NPR3: variants seen among roughly 807,000 people sequenced by gnomAD.
NPR3 encodes the protein natriuretic peptide receptor 3.
In NPR3, 34 loss-of-function variants were observed where a neutral mutation model predicts 54.5. The ratio of observed to expected loss-of-function variants is 0.62; its 90% confidence interval spans 0.47 to 0.83. NPR3 has a LOEUF of 0.83. NPR3 is among the 40% of genes least tolerant of loss of function. NPR3 has a pLI of 0.00. For synonymous variants in NPR3, 289 were observed against 297.1 expected (o/e 0.97, Z 0.28); for missense variants, 674 against 720.8 (o/e 0.94, Z 0.74).
chr5:32,745,527 A>G (rs113892311), intron 3 of NPR3, among the ~76,000 whole-genome samples: 1,901 of 151,942 alleles, frequency 0.013, 41 homozygotes, highest in African/African-American at 0.044. Context: ...GCATCCCCTG[A>G]CTCCTGCCTG....
chr5:32,774,665 T>C (rs775213587), intron 3 of NPR3, 43 bp from the exon 4 acceptor site: 2 of 1,527,394 alleles, frequency 1.3e-6, no homozygotes, highest in Non-Finnish European at 1.8e-6. Flanking sequence ...CTGGCATGAG[T>C]CACTTGGTGT....
At chr5:32,763,816 A>G (rs1741301398) in intron 3 of NPR3, among the ~76,000 whole-genome samples, 1 of 152,172 alleles carries the variant, frequency 6.6e-6, no homozygotes, top group Non-Finnish European at 1.5e-5. Flanking sequence ...TATGTTATAA[A>G]GATTGTATTC....
At position 32,712,546 on chromosome 5, in the gene NPR3, G is replaced by A; in HGVS notation, c.769+1G>A. ...CGCAATATCCAGGCCAGTGAGAGAG[G>A]TGAGCAGGGGCGCGTCCCGGGCCCC... On this transcript the variant is annotated splice_donor_variant, in intron 1 of 7. Transcript: ENST00000265074. LOFTEE classifies it high-confidence loss of function. 6.6e-7 allele frequency: 1 copy of A among 1,507,394 alleles called. No individual in the cohort carries two copies. Among genetic ancestry groups the A allele is most frequent in the Non-Finnish European group, 8.8e-7 (1 of 1,133,320 alleles). The allele number at this position is 1,507,394 out of a possible 1,614,324, so 93.4% of individuals were successfully genotyped here.
chr5:32,707,823 C>A (rs1738035795), upstream of NPR3, among the ~76,000 whole-genome samples: 1 of 152,096 alleles, frequency 6.6e-6, no homozygotes, highest in Non-Finnish European at 1.5e-5. Flanking sequence ...ATTTCTAATA[C>A]ACTTCAAAGA....
upstream of NPR3, among the ~76,000 whole-genome samples, chr5:32,708,936 C>T (rs1738072966): frequency 6.7e-6 from 1 of 150,040 alleles, no homozygotes; most frequent in Non-Finnish European, 1.5e-5. Flanking sequence ...TAATTCGTTC[C>T]GCTGCTTGGT....
At chr5:32,739,126 A>G (rs1435233442) in intron 3 of NPR3, 96 bp downstream of exon 3, 2 of 1,273,942 alleles carry the variant, frequency 1.6e-6, no homozygotes, top group African/African-American at 3.0e-5. Context: ...GAGCCATTCA[A>G]AAATTCCTAG....
Position 32,786,566 on chromosome 5 carries a change from G to T in NPR3, c.*221G>T, listed in dbSNP as rs1223827987. The T allele has an allele frequency of 1.9e-6, 1 of 516,190 alleles. No homozygotes were observed. The highest frequency in any genetic ancestry group is 2.0e-5 in the African/African-American group (1 of 49,976). 32.0% of individuals were successfully genotyped at this position (516,190 alleles called of 1,614,324 possible). A position where few individuals can be genotyped will look rare whatever the true frequency, so the allele number is the denominator to read the frequency against. The stretch of plus-strand genomic sequence containing the variant: ...GACAAACAAATATAATAATGATATC[G>T]TGTCACTCTGTTAAATGTTCATACT... On this transcript the variant is annotated 3_prime_UTR_variant, in exon 8 of 8. Coordinates refer to ENST00000265074, the MANE Select transcript of NPR3 (RefSeq NM_001204375.2).
intron 1 of NPR3, chr5:32,713,013 A>T: frequency 3.9e-6 from 1 of 255,542 alleles, no homozygotes; most frequent in Non-Finnish European, 6.1e-6. Flanking sequence ...AGGCGTCGCC[A>T]CTTAGCTCGC....
intron 6 of NPR3, chr5:32,783,295 T>C (rs1339128315): frequency 6.2e-6 from 2 of 323,862 alleles, no homozygotes; most frequent in Non-Finnish European, 1.1e-5. Flanking sequence ...GTTTCCACTT[T>C]TAGAGAAAAT....
intron 2 of NPR3, among the ~76,000 whole-genome samples, chr5:32,731,012 T>C (rs183672049): frequency 6.6e-6 from 1 of 152,332 alleles, no homozygotes; most frequent in Non-Finnish European, 1.5e-5. Context: ...CAGAATGTCT[T>C]TCAATTTGGA....
intron 3 of NPR3, among the ~76,000 whole-genome samples, chr5:32,750,099 T>C (rs1740498490): frequency 6.6e-6 from 1 of 152,138 alleles, no homozygotes; most frequent in African/African-American, 2.4e-5. Context: ...TGGTTGTAGT[T>C]TTTCAGTTCT....
At chr5:32,702,752 T>C (rs1414663865) in intron 1 of NPR3, among the ~76,000 whole-genome samples, 1 of 152,118 alleles carries the variant, frequency 6.6e-6, no homozygotes, top group African/African-American at 2.4e-5. Flanking sequence ...AGCAGCATGA[T>C]TTGTAGTCTT....
upstream of NPR3, among the ~76,000 whole-genome samples, chr5:32,708,455 A>AT (rs1379481185): frequency 1.3e-5 from 2 of 152,240 alleles, no homozygotes; most frequent in Admixed American, 6.5e-5. Context: ...ATATATATAT[A>AT]AAAATTTGAT....
At chr5:32,780,134 A>T (rs930764180) in intron 4 of NPR3, among the ~76,000 whole-genome samples, 2 of 152,246 alleles carry the variant, frequency 1.3e-5, no homozygotes, top group Admixed American at 1.3e-4. Context: ...CTAATTCAGT[A>T]CTAAGCGTCC....
chr5:32,768,614 G>C lies in NPR3; in HGVS notation c.1060-6094G>C, dbSNP rs145386525. Among the ~76,000 whole-genome samples the C allele has an allele frequency of 1.8e-4, 28 of 152,254 alleles. No homozygotes were observed. In the East Asian group the frequency reaches 5.2e-3, roughly 28 times the overall value. On this transcript the variant is annotated intron_variant, in intron 3 of 7. Transcript: ENST00000265074. ...CCCTCTGTTGTCCCTGTCATTACAG[G>C]AGGTGAATGAGGGCCCTAACTCTAC...
intron 3 of NPR3, among the ~76,000 whole-genome samples, chr5:32,749,528 A>G (rs1042914963): frequency 6.6e-6 from 1 of 152,202 alleles, no homozygotes; most frequent in Non-Finnish European, 1.5e-5. Context: ...ACTTTACTAT[A>G]GGGTAATAAT....
At chr5:32,734,436 T>C (rs1739622144) in intron 2 of NPR3, among the ~76,000 whole-genome samples, 1 of 152,200 alleles carries the variant, frequency 6.6e-6, no homozygotes, top group African/African-American at 2.4e-5. Flanking sequence ...GTACCCCTTA[T>C]TGGCTGCAGC....
At chr5:32,735,055 C>T (rs1297402810) in intron 2 of NPR3, among the ~76,000 whole-genome samples, 3 of 152,066 alleles carry the variant, frequency 2.0e-5, no homozygotes, top group South Asian at 2.1e-4. Context: ...TCATGTCTGG[C>T]GAGGCAGCCC....
rs894779990 is a variant in NPR3 at position 32,712,304 on chromosome 5, C to T, written c.528C>T (p.Arg176=). The change falls in exon 1 of 8, where the codon CGC becomes CGT. Residue 176 remains arginine, a synonymous_variant. Coordinates refer to ENST00000265074, the MANE Select transcript of NPR3 (RefSeq NM_001204375.2). ...ACTCTGAGTACTCGCACCTCACGCG[C>T]GTGGCGCCCGCCTACGCCAAGATGG... The part of the protein sequence containing the change: ...HKDSEYSHLT[R]VAPAYAKMGE... The T allele has an allele frequency of 1.2e-6, 2 of 1,613,238 alleles. No homozygotes were observed.
Sources: allele counts gnomAD v4.1 joint callset (sites outside exome capture counted in the v4.1 genomes callset), GRCh38; gene constraint gnomAD v4.1.1; transcripts MANE v1.5; gene names NCBI Gene and HGNC (gene_info 2026-07-23, HGNC 2026-07-21).